The following TNPO3 variants were observed in gnomAD, a reference collection of about 807,000 sequenced individuals.
TNPO3 encodes the protein transportin-3.
Under a neutral mutation model 122.8 loss-of-function variants are expected in TNPO3, and 65 were observed. That is an observed-to-expected ratio of 0.53 (90% CI 0.43 to 0.65). TNPO3 has a LOEUF of 0.65. Among genes scored for constraint, TNPO3 ranks in the 30% least tolerant of loss-of-function variants. The probability of loss-of-function intolerance (pLI) is 0.00; values close to 1 mark genes in which losing one functional copy is unlikely to be tolerated. For missense variants in TNPO3, 850 were observed against 1,136.7 expected, an observed-to-expected ratio of 0.75 and a Z score of 3.63; for synonymous variants, 372 against 411.2, an observed-to-expected ratio of 0.90 and a Z score of 1.15.
At chr7:129,028,445 T>C (rs1182164037) in intron 1 of TNPO3, among the ~76,000 whole-genome samples, 1 of 151,984 alleles carries the variant, frequency 6.6e-6, no homozygotes, top group Non-Finnish European at 1.5e-5. Context: ...ATTTTATGCC[T>C]TAAGGAGCCA....
rs376447885 is a variant in TNPO3, at chr7:129,052,721, T to C, written c.120+1930A>G. On this transcript the variant is annotated intron_variant, in intron 1 of 22. Coordinates refer to ENST00000265388, the MANE Select transcript of TNPO3 (RefSeq NM_012470.4). ...TCTGTGGTAAGCAGAGATTTTTGTC[T>C]GGTTCATTTCCAAATCCAAACACCC... 9.9e-5 allele frequency among the ~76,000 whole-genome samples: 15 copies of C among 152,266 alleles called. No individual in the cohort carries two copies. The East Asian group carries it at 1.3e-3, about 14-fold the overall frequency.
chr7:128,980,547 G>A (rs888766109), intron 14 of TNPO3, among the ~76,000 whole-genome samples: 1 of 152,172 alleles, frequency 6.6e-6, no homozygotes, highest in Non-Finnish European at 1.5e-5. Flanking sequence ...TACTTGGGAG[G>A]CTGGTGGTGG....
chr7:129,053,505 A>T (rs1458580229), intron 1 of TNPO3, among the ~76,000 whole-genome samples: 2 of 151,836 alleles, frequency 1.3e-5, no homozygotes, highest in Non-Finnish European at 2.9e-5. Flanking sequence ...AAAAAAAAAA[A>T]AAAAAAAAAG....
rs936735872 is a variant in TNPO3, at chr7:129,015,200, C to T, written c.396-65G>A. 4.5e-6 allele frequency: 7 copies of T among 1,543,116 alleles called. No homozygotes were observed. The African/African-American group carries it at 8.3e-5, about 18-fold the overall frequency. On this transcript the variant is annotated intron_variant, in intron 3 of 22. Coordinates refer to ENST00000265388, the MANE Select transcript of TNPO3 (RefSeq NM_012470.4). ...GAAAATACACAATCACATAAGATAACAGCCATCAGAGTAACTCACAACAAC... is the reference window on the plus strand; with the variant it reads ...GAAAATACACAATCACATAAGATAATAGCCATCAGAGTAACTCACAACAAC...
At chr7:128,982,367 C>T (rs892367966) in intron 13 of TNPO3, 43 bp from the exon 14 acceptor site, 2 of 1,558,038 alleles carry the variant, frequency 1.3e-6, no homozygotes, top group African/African-American at 1.4e-5. Context: ...GTCACATGTA[C>T]AAATCTACAG....
intron 21 of TNPO3, among the ~76,000 whole-genome samples, chr7:128,957,772 C>T (rs1273327411): frequency 6.6e-6 from 1 of 152,228 alleles, no homozygotes; most frequent in African/African-American, 2.4e-5. Context: ...TAAGTTTCCT[C>T]ATTCTCTTCC....
intron 18 of TNPO3, 74 bp from the exon 19 acceptor site, chr7:128,972,656 C>A: frequency 7.4e-7 from 1 of 1,359,120 alleles, no homozygotes; most frequent in Non-Finnish European, 1.0e-6. Flanking sequence ...AAGGGCAAAA[C>A]TATGAAGACA....
intron 1 of TNPO3, among the ~76,000 whole-genome samples, chr7:129,019,977 G>C (rs898969528): frequency 6.6e-6 from 1 of 151,922 alleles, no homozygotes; most frequent in Non-Finnish European, 1.5e-5. Context: ...GCCTGGGTGA[G>C]AGTGAGACCC....
chr7:129,004,089 A>G (rs1264487031), intron 5 of TNPO3, among the ~76,000 whole-genome samples: 1 of 152,176 alleles, frequency 6.6e-6, no homozygotes, highest in African/African-American at 2.4e-5. Context: ...TTGGCATCCT[A>G]ATTTTCCTAA....
chr7:128,971,902 A>G (rs1798531001), intron 19 of TNPO3, among the ~76,000 whole-genome samples: 1 of 152,058 alleles, frequency 6.6e-6, no homozygotes, highest in Non-Finnish European at 1.5e-5. Flanking sequence ...CACTCATCTG[A>G]CAATCAAATA....
chr7:129,002,829 G>T (rs1307334307), intron 5 of TNPO3, among the ~76,000 whole-genome samples: 2 of 151,788 alleles, frequency 1.3e-5, no homozygotes, highest in African/African-American at 4.8e-5. Flanking sequence ...GAGGCCGGTA[G>T]ATCACGAGGT....
chr7:128,956,933 A>AGT (rs1214154260), intron 22 of TNPO3, among the ~76,000 whole-genome samples: 3 of 152,228 alleles, frequency 2.0e-5, no homozygotes, highest in African/African-American at 7.2e-5. Flanking sequence ...CCATCTTAGA[A>AGT]GTGTCTGTAA....
At chr7:129,047,196 T>C in intron 1 of TNPO3, among the ~76,000 whole-genome samples, 1 of 152,220 alleles carries the variant, frequency 6.6e-6, no homozygotes, top group East Asian at 1.9e-4. Context: ...TATAAAACTT[T>C]TGAGGTAATA....
At chr7:128,981,545 G>A (rs1436185241) in intron 14 of TNPO3, among the ~76,000 whole-genome samples, 1 of 152,122 alleles carries the variant, frequency 6.6e-6, no homozygotes, top group East Asian at 1.9e-4. Context: ...GGAATTATCA[G>A]AAATGCAAAT....
At chr7:129,042,578 C>A (rs1584592756) in intron 1 of TNPO3, among the ~76,000 whole-genome samples, 2 of 152,180 alleles carry the variant, frequency 1.3e-5, no homozygotes, top group East Asian at 3.9e-4. Flanking sequence ...ACCTTAACTT[C>A]TTTTATCTAA....
rs559175647 is a variant in TNPO3 at position 129,032,549 on chromosome 7, T to C, written c.121-14392A>G. Among the ~76,000 whole-genome samples, 3 of 152,314 alleles carry C rather than the reference T, an allele frequency of 2.0e-5. No homozygotes were observed. In the South Asian group the frequency reaches 6.2e-4, roughly 32 times the overall value. ...GGTCACAAAATTAACAGATTAAAAT[T>C]AGTTGCTTCTACATACTAACAATGA... On this transcript the variant is annotated intron_variant, in intron 1 of 22. Coordinates refer to ENST00000265388, the MANE Select transcript of TNPO3 (RefSeq NM_012470.4).
At chr7:129,045,965 T>C (rs1190337214) in intron 1 of TNPO3, among the ~76,000 whole-genome samples, 4 of 152,072 alleles carry the variant, frequency 2.6e-5, no homozygotes, top group Non-Finnish European at 4.4e-5. Context: ...TCTGGGAGGC[T>C]GAGGTGGGTG....
At chr7:129,022,464 TA>T (rs962182640) in intron 1 of TNPO3, among the ~76,000 whole-genome samples, 93 of 140,768 alleles carry the variant, frequency 6.6e-4, no homozygotes, top group Non-Finnish European at 6.1e-4. Context: ...CCCCGTTTCT[TA>T]AAAAAAAAAA....
chr7:129,025,517 G>A (rs1584580477), intron 1 of TNPO3, among the ~76,000 whole-genome samples: 1 of 152,162 alleles, frequency 6.6e-6, no homozygotes, highest in Non-Finnish European at 1.5e-5. Flanking sequence ...GAGGGAAGCG[G>A]TTATGTCAAA....
Sources: gnomAD v4.1 joint callset for allele counts (sites outside exome capture counted in the v4.1 genomes callset) on GRCh38, gnomAD v4.1.1 for gene constraint, MANE v1.5 for transcripts, NCBI Gene and HGNC (gene_info 2026-07-23, HGNC 2026-07-21) for gene names.